The following PRKG1 variants were observed in gnomAD, a reference collection of about 807,000 sequenced individuals.
PRKG1 encodes cGMP-dependent protein kinase 1.
Under a neutral mutation model 88.1 loss-of-function variants are expected in PRKG1, and 35 were observed. That is an observed-to-expected ratio of 0.40 (90% confidence interval 0.30 to 0.53). PRKG1 has a LOEUF of 0.53. Ranked by LOEUF, PRKG1 falls within the 20% of genes least tolerant of loss-of-function variation. The pLI is 0.59. For synonymous variants in PRKG1, 303 were observed against 292.5 expected (o/e 1.04, Z -0.37); for missense variants, 540 against 839.8 (o/e 0.64, Z 4.41).
At chr10:51,725,814 A>G (rs1397774715) in intron 3 of PRKG1, among the ~76,000 whole-genome samples, 2 of 151,290 alleles carry the variant, frequency 1.3e-5, no homozygotes, top group African/African-American at 4.9e-5. Context: ...TTGTATTTGT[A>G]TTTTTTCAGT....
chr10:51,022,659 C>T (rs965863515), intron 1 of PRKG1, among the ~76,000 whole-genome samples: 3 of 152,054 alleles, frequency 2.0e-5, no homozygotes, highest in African/African-American at 7.2e-5. Flanking sequence ...AGAACAAACA[C>T]ACCTTGATAT....
chr10:51,952,134 G>A (rs188517194), intron 5 of PRKG1, among the ~76,000 whole-genome samples: 21 of 152,268 alleles, frequency 1.4e-4, no homozygotes, highest in Admixed American at 1.2e-3. Context: ...CAATCCCTCT[G>A]CTAGAGGATA....
chr10:50,994,558 G>A (rs778001744), intron 1 of PRKG1, among the ~76,000 whole-genome samples: 1 of 151,826 alleles, frequency 6.6e-6, no homozygotes, highest in Non-Finnish European at 1.5e-5. Context: ...CCTGTTTTTT[G>A]TAAAAGGCTG....
At chr10:51,811,397 T>A (rs951008855) in intron 4 of PRKG1, among the ~76,000 whole-genome samples, 1 of 152,214 alleles carries the variant, frequency 6.6e-6, no homozygotes, top group Non-Finnish European at 1.5e-5. Context: ...TTCATTTTTT[T>A]AATAACTCAA....
rs1264878981 is a variant in PRKG1 at position 52,224,339 on chromosome 10, G to A, written c.1077-27231G>A. On this transcript the variant is annotated intron_variant, in intron 9 of 17. Coordinates refer to ENST00000373980, the MANE Select transcript of PRKG1 (RefSeq NM_006258.4). ...TCCTCAGATCCCACAGGGCTCACTC[G>A]TCCATCTCCTTCTCAATTGGACCTT... Among the ~76,000 whole-genome samples, 7 of 152,096 alleles carry A rather than the reference G, an allele frequency of 4.6e-5. No individual in the cohort carries two copies. The South Asian group carries it at 6.2e-4, about 14-fold the overall frequency.
intron 7 of PRKG1, among the ~76,000 whole-genome samples, chr10:52,080,819 A>T (rs1361532748): frequency 1.3e-5 from 2 of 152,146 alleles, no homozygotes; most frequent in African/African-American, 4.8e-5. Flanking sequence ...TAATCTGGTG[A>T]TATAATAGAT....
intron 3 of PRKG1, among the ~76,000 whole-genome samples, chr10:51,532,149 G>A (rs934577083): frequency 1.3e-5 from 2 of 152,174 alleles, no homozygotes; most frequent in African/African-American, 4.8e-5. Context: ...TGCAGCAGGA[G>A]CTTGGAGAGC....
intron 5 of PRKG1, among the ~76,000 whole-genome samples, chr10:52,024,074 T>C (rs1845261966): frequency 6.6e-6 from 1 of 152,162 alleles, no homozygotes; most frequent in African/African-American, 2.4e-5. Flanking sequence ...TAATCCATCT[T>C]GAGTTGATTT....
chr10:51,227,292 GTGAA>G lies in PRKG1; in HGVS notation c.478+73978_478+73981del, dbSNP rs1203413605. Among the ~76,000 whole-genome samples the G allele has an allele frequency of 2.0e-5, 3 of 151,926 alleles. No individual in the cohort carries two copies. The East Asian group carries it at 5.8e-4, about 29-fold the overall frequency. ...ATCTTGCACATCAAAAGAGAAAATA[GTGAA>G]TGAATGAATGAATGATTTCTATAAC... On this transcript the variant is annotated intron_variant, in intron 2 of 17. Coordinates refer to ENST00000373980, the MANE Select transcript of PRKG1 (RefSeq NM_006258.4).
At chr10:51,672,148 A>G (rs1381244803) in intron 3 of PRKG1, among the ~76,000 whole-genome samples, 1 of 151,916 alleles carries the variant, frequency 6.6e-6, no homozygotes, top group East Asian at 1.9e-4. Flanking sequence ...TTTCTTATCA[A>G]TTTAGAAGCT....
At chr10:52,194,249 A>G (rs919050431) in intron 9 of PRKG1, among the ~76,000 whole-genome samples, 2 of 152,280 alleles carry the variant, frequency 1.3e-5, no homozygotes, top group African/African-American at 4.8e-5. Flanking sequence ...ATTATTCTAT[A>G]TCATTTATTA....
At chr10:51,629,943 C>T (rs1195818149) in intron 3 of PRKG1, among the ~76,000 whole-genome samples, 2 of 152,178 alleles carry the variant, frequency 1.3e-5, no homozygotes, top group African/African-American at 4.8e-5. Context: ...GTTCACTCAT[C>T]GCCCCCATAA....
intron 2 of PRKG1, among the ~76,000 whole-genome samples, chr10:51,213,476 A>C (rs986832763): frequency 2.6e-5 from 4 of 152,236 alleles, no homozygotes; most frequent in African/African-American, 9.6e-5. Context: ...TAATAAAAAA[A>C]ATGAGTAGTT....
intron 3 of PRKG1, among the ~76,000 whole-genome samples, chr10:51,512,752 TC>T (rs528044132): frequency 7.7e-4 from 45 of 58,240 alleles, no homozygotes; most frequent in South Asian, 2.1e-3. Context: ...TAGTTCTAGA[TC>T]CCTGAGGAAT....
At chr10:52,207,518 A>G (rs1184898987) in intron 9 of PRKG1, among the ~76,000 whole-genome samples, 6 of 152,150 alleles carry the variant, frequency 3.9e-5, no homozygotes, top group Non-Finnish European at 8.8e-5. Flanking sequence ...AATGCCACCT[A>G]GAAGTACATG....
chr10:51,798,920 C>T (rs1839090207), intron 3 of PRKG1, among the ~76,000 whole-genome samples: 1 of 151,958 alleles, frequency 6.6e-6, no homozygotes, highest in African/African-American at 2.4e-5. Context: ...TTTATTTTCA[C>T]TCATATGTCT....
chr10:52,059,424 TATTC>T (rs1470871019), intron 6 of PRKG1, among the ~76,000 whole-genome samples: 2 of 29,950 alleles, frequency 6.7e-5, no homozygotes, highest in Non-Finnish European at 1.5e-4. Context: ...AATTGTGTCA[TATTC>T]ATTCAATGAA....
intron 3 of PRKG1, among the ~76,000 whole-genome samples, chr10:51,480,004 C>A (rs200809965): frequency 1.4e-5 from 2 of 147,814 alleles, no homozygotes; most frequent in African/African-American, 2.5e-5. Flanking sequence ...AGAGCCATCT[C>A]AAAAAAAAAA....
chr10:51,415,797 C>T (rs970539716), intron 2 of PRKG1, among the ~76,000 whole-genome samples: 5 of 152,218 alleles, frequency 3.3e-5, no homozygotes, highest in South Asian at 4.1e-4. Context: ...ATTGCATTTT[C>T]GAGACCTCAT....
Sources: gnomAD v4.1 joint callset for allele counts (sites outside exome capture counted in the v4.1 genomes callset) on GRCh38, gnomAD v4.1.1 for gene constraint, MANE v1.5 for transcripts, NCBI Gene and HGNC (gene_info 2026-07-23, HGNC 2026-07-21) for gene names.